Variants in SAMMSON observed in about 807,000 individuals in gnomAD.
The protein encoded by SAMMSON is long intergenic non-protein coding RNA 1212.
chr3:70,018,007 T>C (rs1229142993), intron 3 of SAMMSON, among the ~76,000 whole-genome samples: 1 of 152,204 alleles, frequency 6.6e-6, no homozygotes, highest in Non-Finnish European at 1.5e-5. Flanking sequence ...TGAGGATTTT[T>C]GCATCGATGT....
chr3:70,158,739 T>TA (rs1487194797), intron 4 of SAMMSON, among the ~76,000 whole-genome samples: 14 of 151,868 alleles, frequency 9.2e-5, no homozygotes, highest in Admixed American at 5.3e-4. Flanking sequence ...AGTTTATTTT[T>TA]AAAAAAACAG....
chr3:70,131,908 G>A (rs2067484554), intron 4 of SAMMSON, among the ~76,000 whole-genome samples: 1 of 152,084 alleles, frequency 6.6e-6, no homozygotes, highest in Admixed American at 6.6e-5. Flanking sequence ...ATGCTTACAA[G>A]TAGCCTACCT....
intron 9 of SAMMSON, among the ~76,000 whole-genome samples, chr3:70,359,118 C>T (rs1702852230): frequency 6.6e-6 from 1 of 151,958 alleles, no homozygotes; most frequent in Non-Finnish European, 1.5e-5. Context: ...AAAACATCAT[C>T]ATCAATTTCT....
At chr3:70,371,891 TG>T (rs1367181794) in intron 9 of SAMMSON, among the ~76,000 whole-genome samples, 1 of 152,182 alleles carries the variant, frequency 6.6e-6, no homozygotes, top group Non-Finnish European at 1.5e-5. Flanking sequence ...GTGGTGAAAG[TG>T]GGCATTCTTG....
At chr3:70,427,667 G>A (rs1435036419) in intron 2 of SAMMSON, among the ~76,000 whole-genome samples, 1 of 151,796 alleles carries the variant, frequency 6.6e-6, no homozygotes, top group African/African-American at 2.4e-5. Flanking sequence ...GAACCCGGGA[G>A]GCGGAGCTTG....
At chr3:70,350,066 AGT>A in intron 7 of SAMMSON, among the ~76,000 whole-genome samples, 1 of 152,204 alleles carries the variant, frequency 6.6e-6, no homozygotes, top group East Asian at 1.9e-4. Context: ...CTTGAACATG[AGT>A]GCTGGTGACA....
chr3:70,132,231 A>G (rs1216323341), intron 4 of SAMMSON, among the ~76,000 whole-genome samples: 2 of 152,156 alleles, frequency 1.3e-5, no homozygotes, highest in Non-Finnish European at 2.9e-5. Context: ...ACAGCAGCCA[A>G]CCAGCATTTC....
chr3:70,005,945 TA>T (rs1365218021), intron 1 of SAMMSON, among the ~76,000 whole-genome samples: 1 of 152,196 alleles, frequency 6.6e-6, no homozygotes, highest in Non-Finnish European at 1.5e-5. Context: ...ACTTGCTTCA[TA>T]ATCAAGAATT....
chr3:70,180,691 G>A (rs1405630060), intron 4 of SAMMSON, among the ~76,000 whole-genome samples: 2 of 152,126 alleles, frequency 1.3e-5, no homozygotes, highest in African/African-American at 4.8e-5. Flanking sequence ...AGTACACCGT[G>A]CTACTCCGAA....
rs140789080 is a variant in SAMMSON at position 70,408,212 on chromosome 3, C to T, written n.233+49888C>T. Among the ~76,000 whole-genome samples, 5 of 152,320 alleles carry T rather than the reference C, an allele frequency of 3.3e-5. No individual in the cohort carries two copies. The East Asian group carries it at 9.7e-4, about 29-fold the overall frequency. On this transcript the variant is annotated intron_variant and non_coding_transcript_variant, in intron 2 of 3. Transcript: ENST00000641053. ...TGTGGGCCAGCGATGGGAGGCGCTG[C>T]CATGAAGACCTCTAACATGCCCTGG...
At chr3:70,226,244 A>T (rs1701506221) in intron 4 of SAMMSON, among the ~76,000 whole-genome samples, 2 of 152,286 alleles carry the variant, frequency 1.3e-5, no homozygotes, top group African/African-American at 4.8e-5. Context: ...TAATACAAAG[A>T]TGAGTAAGAC....
chr3:70,321,778 G>A (rs1030662649), intron 7 of SAMMSON, among the ~76,000 whole-genome samples: 2 of 151,498 alleles, frequency 1.3e-5, no homozygotes, highest in African/African-American at 2.4e-5. Context: ...TAAGGCCTTC[G>A]CTTAACTAAA....
chr3:70,260,896 A>G (rs1322575340), intron 6 of SAMMSON, among the ~76,000 whole-genome samples: 3 of 152,102 alleles, frequency 2.0e-5, no homozygotes, highest in African/African-American at 4.8e-5. Context: ...TCCTGCTGAG[A>G]TCAGGACCAA....
At chr3:70,092,162 C>G (rs2067307132) in intron 4 of SAMMSON, among the ~76,000 whole-genome samples, 1 of 151,892 alleles carries the variant, frequency 6.6e-6, no homozygotes, top group South Asian at 2.1e-4. Context: ...GTGATACTTG[C>G]TTTGAAATTA....
chr3:70,144,637 C>T (rs541402470), intron 4 of SAMMSON, among the ~76,000 whole-genome samples: 2 of 152,254 alleles, frequency 1.3e-5, no homozygotes, highest in South Asian at 4.1e-4. Context: ...TTGTAGCTCC[C>T]ATAATTCCCA....
intron 9 of SAMMSON, among the ~76,000 whole-genome samples, chr3:70,378,637 A>G (rs887286458): frequency 1.3e-5 from 2 of 152,130 alleles, no homozygotes; most frequent in Non-Finnish European, 2.9e-5. Flanking sequence ...GAACCATTGA[A>G]GGGTTCCTGA....
intron 2 of SAMMSON, among the ~76,000 whole-genome samples, chr3:70,420,316 T>C (rs1701301293): frequency 6.6e-6 from 1 of 152,042 alleles, no homozygotes; most frequent in Non-Finnish European, 1.5e-5. Flanking sequence ...CACCACAAAG[T>C]CAAAGGAGCT....
chr3:70,057,855 AT>A (rs1207414714), intron 3 of SAMMSON, among the ~76,000 whole-genome samples: 1 of 151,982 alleles, frequency 6.6e-6, no homozygotes, highest in Non-Finnish European at 1.5e-5. Flanking sequence ...AAACACTGTC[AT>A]TTTCTCAGCT....
At chr3:70,153,331 C>T (rs1239350020) in intron 4 of SAMMSON, among the ~76,000 whole-genome samples, 2 of 151,882 alleles carry the variant, frequency 1.3e-5, no homozygotes, top group South Asian at 2.1e-4. Flanking sequence ...TCTACAGAAA[C>T]TTTACAATGT....
Sources: allele counts gnomAD v4.1 joint callset (sites outside exome capture counted in the v4.1 genomes callset), GRCh38; gene constraint gnomAD v4.1.1; transcripts MANE v1.5; gene names NCBI Gene and HGNC (gene_info 2026-07-23, HGNC 2026-07-21).